The following KIF13B variants were observed in gnomAD, a reference collection of about 807,000 sequenced individuals.
KIF13B encodes the protein kinesin-like protein KIF13B.
KIF13B carries 127 observed loss-of-function variants against 222.0 expected under a neutral mutation model. The observed-to-expected ratio is 0.57, with a 90% CI of 0.50 to 0.66. The LOEUF (loss-of-function observed/expected upper bound fraction) is 0.66, where lower values mean the gene tolerates loss of function less well. Ranked by LOEUF, KIF13B falls within the 30% of genes least tolerant of loss-of-function variation. KIF13B has a pLI of 0.00. For synonymous variants in KIF13B, 976 were observed against 919.0 expected, an observed-to-expected ratio of 1.06 and a Z score of -1.12; for missense variants, 2,173 against 2,379.0, an observed-to-expected ratio of 0.91 and a Z score of 1.80.
intron 2 of KIF13B, among the ~76,000 whole-genome samples, chr8:29,244,108 G>C (rs968008037): frequency 2.0e-5 from 3 of 152,088 alleles, no homozygotes; most frequent in South Asian, 2.1e-4. Context: ...CTGCCTCCCA[G>C]GTTCACGCCA....
At position 29,094,819 on chromosome 8, in the gene KIF13B, C is replaced by T. The variant is rs535290225; in HGVS notation, c.4325-1941G>A. 3.3e-5 allele frequency among the ~76,000 whole-genome samples: 5 copies of T among 151,132 alleles called. No individual in the cohort carries two copies. In the South Asian group the frequency reaches 6.3e-4, roughly 19 times the overall value. ...CAAGTGCACAGACCAGGAACATCAGCGGAGAAATTAAAACTAGAAAAGCAG... is the reference window on the plus strand; with the variant it reads ...CAAGTGCACAGACCAGGAACATCAGTGGAGAAATTAAAACTAGAAAAGCAG... On this transcript the variant is annotated intron_variant, in intron 36 of 39. Coordinates refer to ENST00000524189, the MANE Select transcript of KIF13B (RefSeq NM_015254.4).
At chr8:29,135,710 C>T (rs1349156510) in intron 21 of KIF13B, among the ~76,000 whole-genome samples, 1 of 152,160 alleles carries the variant, frequency 6.6e-6, no homozygotes, top group African/African-American at 2.4e-5. Flanking sequence ...ACCTGGCCGA[C>T]ATGGTGAAAC....
At chr8:29,235,388 G>C (rs1005241400) in intron 2 of KIF13B, among the ~76,000 whole-genome samples, 6 of 152,224 alleles carry the variant, frequency 3.9e-5, no homozygotes, top group Non-Finnish European at 8.8e-5. Context: ...TGGGGTGGAA[G>C]AAGATAGCTC....
intron 37 of KIF13B, among the ~76,000 whole-genome samples, chr8:29,084,207 C>T (rs1807940063): frequency 6.6e-6 from 1 of 152,190 alleles, no homozygotes; most frequent in African/African-American, 2.4e-5. Flanking sequence ...TGAGCCACCG[C>T]ACCCGACCGT....
intron 2 of KIF13B, among the ~76,000 whole-genome samples, chr8:29,202,507 AGCGTTTCACCATGTTGGCCAGGCTGTCTC>A (rs1372918042): frequency 1.3e-5 from 2 of 152,154 alleles, no homozygotes; most frequent in African/African-American, 4.8e-5. Context: ...TAGTAGAGGC[AGCGTTTCACCATGTTGGCCAGGCTGTCTC>A]GAACTCCAGA....
At chr8:29,212,163 A>G (rs1421760014) in intron 2 of KIF13B, among the ~76,000 whole-genome samples, 1 of 152,246 alleles carries the variant, frequency 6.6e-6, no homozygotes, top group Non-Finnish European at 1.5e-5. Flanking sequence ...GTCTTTGTGT[A>G]CACATTTATT....
intron 2 of KIF13B, among the ~76,000 whole-genome samples, chr8:29,229,343 C>G (rs1043431504): frequency 1.3e-5 from 2 of 152,214 alleles, no homozygotes; most frequent in South Asian, 2.1e-4. Flanking sequence ...AGTTCAGATC[C>G]CTGTTCTGCC....
chr8:29,070,748 A>T lies in KIF13B; in HGVS notation c.5237T>A (p.Ile1746Asn). The change falls in exon 40 of 40, where the codon ATC becomes AAC. Residue 1746 changes from isoleucine to asparagine, a missense_variant. Coordinates refer to ENST00000524189, the MANE Select transcript of KIF13B (RefSeq NM_015254.4). The surrounding 1 kb of genome is among the most constrained non-coding windows in gnomAD (Gnocchi z 4.1). ...DLPSGKNDGSIGGKQYFRCNP... is the reference protein window; with the variant it reads ...DLPSGKNDGSNGGKQYFRCNP... Reference sequence around the variant, plus strand: ...ACACCTGAAGTACTGCTTCCCGCCGATGGAACCGTCATTCTTACCTGCGGG... The same window carrying T: ...ACACCTGAAGTACTGCTTCCCGCCGTTGGAACCGTCATTCTTACCTGCGGG... The T allele has an allele frequency of 6.3e-7, 1 of 1,587,168 alleles. No homozygotes were observed.
intron 2 of KIF13B, among the ~76,000 whole-genome samples, chr8:29,221,866 A>G (rs539883400): frequency 6.6e-6 from 1 of 152,302 alleles, no homozygotes; most frequent in East Asian, 1.9e-4. Context: ...TGGGTATTTC[A>G]TAATATTTTT....
At chr8:29,254,701 T>C (rs1816409497) in intron 1 of KIF13B, among the ~76,000 whole-genome samples, 1 of 152,230 alleles carries the variant, frequency 6.6e-6, no homozygotes. Flanking sequence ...TGCATTTCTA[T>C]GGGAATGTAA....
intron 35 of KIF13B, among the ~76,000 whole-genome samples, chr8:29,104,092 A>C (rs1166145550): frequency 6.6e-6 from 1 of 152,008 alleles, no homozygotes; most frequent in East Asian, 1.9e-4. Flanking sequence ...CCCTGTCTTC[A>C]TTCCTCCCTG....
intron 2 of KIF13B, among the ~76,000 whole-genome samples, chr8:29,239,996 C>T (rs1469500449): frequency 6.7e-6 from 1 of 148,174 alleles, no homozygotes; most frequent in Non-Finnish European, 1.5e-5. Flanking sequence ...TGTATGTGTA[C>T]CCCTGGAATC....
intron 19 of KIF13B, among the ~76,000 whole-genome samples, chr8:29,141,720 C>A (rs944680782): frequency 1.3e-5 from 2 of 152,162 alleles, no homozygotes; most frequent in Non-Finnish European, 2.9e-5. Context: ...TTCAAAAATG[C>A]TCCTTGGAGT....
At chr8:29,165,523 T>C (rs1232297118) in intron 12 of KIF13B, 139 bp downstream of exon 12, 5 of 578,060 alleles carry the variant, frequency 8.6e-6, no homozygotes, top group Middle Eastern at 4.2e-4. Context: ...TATAGATTCT[T>C]TCAGATCTAG....
At chr8:29,108,831 G>A (rs1271693259) in intron 34 of KIF13B, among the ~76,000 whole-genome samples, 2 of 152,102 alleles carry the variant, frequency 1.3e-5, no homozygotes, top group Non-Finnish European at 2.9e-5. Flanking sequence ...GAAGTTAGGA[G>A]GAAAGTATCA....
chr8:29,166,719 A>AAG (rs1243184662), intron 11 of KIF13B, among the ~76,000 whole-genome samples: 67 of 151,980 alleles, frequency 4.4e-4, no homozygotes, highest in African/African-American at 1.4e-3. Flanking sequence ...AAAAAAAAAA[A>AAG]AAGTAGGAAT....
rs769263065 is a variant in KIF13B at position 29,262,969 on chromosome 8, T to G, written c.55+11A>C. On this transcript the variant is annotated intron_variant, in intron 1 of 39. Coordinates refer to ENST00000524189, the MANE Select transcript of KIF13B (RefSeq NM_015254.4). Reference sequence around the variant, plus strand: ...CTCCGCCCCGGCGGCCCAGGAGGGCTCGGCTCTCACCTCGCCGGTTCATGG... The same window carrying G: ...CTCCGCCCCGGCGGCCCAGGAGGGCGCGGCTCTCACCTCGCCGGTTCATGG... 6.3e-7 allele frequency: 1 copy of G among 1,582,872 alleles called. No individual in the cohort carries two copies. Among genetic ancestry groups the G allele is most frequent in the African/African-American group, 1.4e-5 (1 of 71,806 alleles).
At chr8:29,161,953 G>A (rs1326878909) in intron 12 of KIF13B, among the ~76,000 whole-genome samples, 2 of 152,124 alleles carry the variant, frequency 1.3e-5, no homozygotes, top group African/African-American at 4.8e-5. Context: ...TCAGTGTGGT[G>A]AATTTATCCA....
intron 2 of KIF13B, among the ~76,000 whole-genome samples, chr8:29,197,497 C>T (rs530383963): frequency 6.6e-6 from 1 of 152,272 alleles, no homozygotes; most frequent in Non-Finnish European, 1.5e-5. Context: ...TTTTCTCCTT[C>T]TCCTTCCCTT....
Sources: gnomAD v4.1 joint callset for allele counts (sites outside exome capture counted in the v4.1 genomes callset) on GRCh38, gnomAD v4.1.1 for gene constraint, Gnocchi (gnomAD v3.1) non-coding constraint, MANE v1.5 for transcripts, NCBI Gene and HGNC (gene_info 2026-07-23, HGNC 2026-07-21) for gene names.